GRB10: variants seen among roughly 807,000 people sequenced by gnomAD.
GRB10 encodes the protein growth factor receptor bound protein 10.
In GRB10, 20 loss-of-function variants were observed where a neutral mutation model predicts 80.9. That is an observed-to-expected ratio of 0.25 (90% CI 0.17 to 0.36). The LOEUF (loss-of-function observed/expected upper bound fraction) is 0.36, where lower values mean the gene tolerates loss of function less well. Among genes scored for constraint, GRB10 ranks in the 10% least tolerant of loss-of-function variants. The pLI is 1.00. For missense variants in GRB10, 548 were observed against 747.7 expected, an observed-to-expected ratio of 0.73 and a Z score of 3.12; for synonymous variants, 291 against 291.5, an observed-to-expected ratio of 1.00 and a Z score of 0.02.
intron 3 of GRB10, among the ~76,000 whole-genome samples, chr7:50,744,440 T>C (rs1175998168): frequency 6.6e-6 from 1 of 152,172 alleles, no homozygotes; most frequent in African/African-American, 2.4e-5. Context: ...TCCCATGCAG[T>C]TAAAAGTTCA....
chr7:50,656,240 T>C (rs7803690), intron 7 of GRB10, among the ~76,000 whole-genome samples: 2,638 of 152,302 alleles, frequency 0.017, 39 homozygotes, highest in South Asian at 0.046. Flanking sequence ...GTGAGGGGTT[T>C]AGACAAGCAG....
chr7:50,633,242 T>C (rs1440318688), intron 7 of GRB10, among the ~76,000 whole-genome samples: 1 of 152,212 alleles, frequency 6.6e-6, no homozygotes, highest in African/African-American at 2.4e-5. Context: ...TCCAGCACAC[T>C]GTTACTACAA....
chr7:50,661,031 G>C (rs773062357), intron 7 of GRB10, among the ~76,000 whole-genome samples: 8 of 152,252 alleles, frequency 5.3e-5, no homozygotes, highest in Non-Finnish European at 1.2e-4. Context: ...GCGGGTGGAA[G>C]GGGCTAAAGG....
intron 7 of GRB10, among the ~76,000 whole-genome samples, chr7:50,641,286 G>A (rs530627766): frequency 6.6e-6 from 1 of 151,528 alleles, no homozygotes; most frequent in South Asian, 2.1e-4. Flanking sequence ...AGGTGGGGGG[G>A]TAGCCTTCAT....
chr7:50,714,897 A>G (rs935293127), intron 4 of GRB10, among the ~76,000 whole-genome samples: 7 of 152,258 alleles, frequency 4.6e-5, no homozygotes, highest in Non-Finnish European at 1.0e-4. Context: ...TCAGGGCCGT[A>G]GGAGGCACAT....
chr7:50,628,528 G>T (rs2053410317), intron 7 of GRB10, among the ~76,000 whole-genome samples: 1 of 150,898 alleles, frequency 6.6e-6, no homozygotes, highest in Non-Finnish European at 1.5e-5. Flanking sequence ...CGGTGGGCAG[G>T]AAGGAGTCAA....
At chr7:50,750,151 G>A (rs559839816) in intron 3 of GRB10, among the ~76,000 whole-genome samples, 9 of 152,170 alleles carry the variant, frequency 5.9e-5, no homozygotes, top group African/African-American at 9.7e-5. Flanking sequence ...GGAGCCCTCC[G>A]GCAGCTCTCC....
At chr7:50,619,990 C>T (rs796874777) in intron 8 of GRB10, among the ~76,000 whole-genome samples, 23 of 152,318 alleles carry the variant, frequency 1.5e-4, no homozygotes, top group African/African-American at 5.5e-4. Context: ...AGCACTGTCC[C>T]CCAGAAAGGG....
intron 18 of GRB10, 97 bp downstream of exon 18, chr7:50,595,340 T>C: frequency 1.3e-6 from 1 of 779,026 alleles, no homozygotes. Flanking sequence ...AACTGTCTGA[T>C]ACTTACCGGT....
chr7:50,595,362 A>T, intron 18 of GRB10, 75 bp downstream of exon 18: 1 of 846,556 alleles, frequency 1.2e-6, no homozygotes, highest in Non-Finnish European at 2.1e-6. Flanking sequence ...TTGTCGGTTT[A>T]TAACTTGAAA....
chr7:50,783,106 C>G (rs114287043), upstream of GRB10, among the ~76,000 whole-genome samples: 1 of 152,222 alleles, frequency 6.6e-6, no homozygotes, highest in Non-Finnish European at 1.5e-5. Flanking sequence ...CATGTCTACC[C>G]GCTACGCCGC....
intron 4 of GRB10, chr7:50,705,216 C>A: frequency 3.0e-6 from 3 of 985,820 alleles, no homozygotes; most frequent in Non-Finnish European, 3.6e-6. Flanking sequence ...CAGAGGGTAG[C>A]CCAGGGGACA....
intron 2 of GRB10, among the ~76,000 whole-genome samples, chr7:50,763,972 G>A (rs142847506): frequency 8.5e-5 from 13 of 152,336 alleles, no homozygotes; most frequent in African/African-American, 2.9e-4. Context: ...GACGCGTGTG[G>A]CCCCTGCCTC....
intron 5 of GRB10, among the ~76,000 whole-genome samples, chr7:50,695,269 A>G (rs1459717275): frequency 6.6e-6 from 1 of 152,218 alleles, no homozygotes; most frequent in African/African-American, 2.4e-5. Context: ...ATTGCTCCAG[A>G]CTGATGTATC....
At position 50,591,239 on chromosome 7, in the gene GRB10, A is replaced by T. The variant is rs1263496369; in HGVS notation, c.*1713T>A. On this transcript the variant is annotated 3_prime_UTR_variant, in exon 19 of 19. Transcript: ENST00000401949. ...CTTCATTTGTATACCTTTCATGGAA[A>T]ACAACTAGAGTGTGGTCTGTAGACT... 1 of 152,276 alleles carries T rather than the reference A, an allele frequency of 6.6e-6. No homozygotes were observed. Among genetic ancestry groups the T allele is most frequent in the Non-Finnish European group, 1.5e-5 (1 of 68,050 alleles). 9.4% of individuals were successfully genotyped at this position (152,276 alleles called of 1,614,324 possible).
intron 7 of GRB10, among the ~76,000 whole-genome samples, chr7:50,662,859 T>G (rs868206565): frequency 2.0e-5 from 3 of 152,220 alleles, no homozygotes; most frequent in African/African-American, 7.2e-5. Context: ...AGCCTCTTCC[T>G]TGTCCATCTG....
intron 2 of GRB10, among the ~76,000 whole-genome samples, chr7:50,770,540 C>A (rs1201374448): frequency 6.6e-6 from 1 of 152,198 alleles, no homozygotes; most frequent in Non-Finnish European, 1.5e-5. Flanking sequence ...ACCCCTATGG[C>A]AAGACCTCCA....
At chr7:50,613,270 A>G (rs2153577807) in intron 12 of GRB10, among the ~76,000 whole-genome samples, 1 of 152,264 alleles carries the variant, frequency 6.6e-6, no homozygotes, top group East Asian at 1.9e-4. Context: ...GGCCACTGAG[A>G]GGAGGGGCTG....
At chr7:50,643,145 T>C (rs551058664) in intron 7 of GRB10, among the ~76,000 whole-genome samples, 28 of 152,306 alleles carry the variant, frequency 1.8e-4, no homozygotes, top group Non-Finnish European at 1.3e-4. Context: ...CCTGTGTATA[T>C]GAAAGGCCAA....
Sources: gnomAD v4.1 joint callset for allele counts (sites outside exome capture counted in the v4.1 genomes callset) on GRCh38, gnomAD v4.1.1 for gene constraint, MANE v1.5 for transcripts, NCBI Gene and HGNC (gene_info 2026-07-23, HGNC 2026-07-21) for gene names.